SV2C: variants seen among roughly 807,000 people sequenced by gnomAD.
SV2C encodes solute carrier family 22 member B3.
SV2C carries 49 observed loss-of-function variants against 79.7 expected under a neutral mutation model. That is an observed-to-expected ratio of 0.61 (90% CI 0.49 to 0.78). The LOEUF is 0.78. Among genes scored for constraint, SV2C ranks in the 30% least tolerant of loss-of-function variants. SV2C has a pLI of 0.00. For synonymous variants in SV2C, 334 were observed against 333.2 expected, an observed-to-expected ratio of 1.00 and a Z score of -0.03; for missense variants, 833 against 912.9, an observed-to-expected ratio of 0.91 and a Z score of 1.13.
the SV2C span, among the ~76,000 whole-genome samples, chr5:75,941,510 C>T: frequency 1.3e-5 from 2 of 152,146 alleles, no homozygotes; most frequent in East Asian, 1.9e-4. Flanking sequence ...CTGTGGCAGA[C>T]TCTGACAGTT....
In SV2C at chr5:76,277,155, T is replaced by A. The variant is rs182253383; in HGVS notation, c.914-8007T>A. Among the ~76,000 whole-genome samples, 282 of 152,296 alleles carry A rather than the reference T, an allele frequency of 1.9e-3. 4 individuals are homozygous for A. The highest frequency in any genetic ancestry group is 7.8e-4 in the Non-Finnish European group (53 of 68,020). On this transcript the variant is annotated intron_variant, in intron 4 of 12. Coordinates refer to ENST00000502798, the MANE Select transcript of SV2C (RefSeq NM_014979.4). ...AGCTTGCATACACTACTGGTGGGAATTCAAAATGGCACAACCAGTGTGCAA... is the reference window on the plus strand; with the variant it reads ...AGCTTGCATACACTACTGGTGGGAAATCAAAATGGCACAACCAGTGTGCAA...
intron 2 of SV2C, among the ~76,000 whole-genome samples, chr5:76,170,655 C>A (rs939093494): frequency 3.4e-5 from 5 of 149,124 alleles, no homozygotes; most frequent in African/African-American, 9.8e-5. Flanking sequence ...TGGACATTTC[C>A]TTCCCAACAG....
At chr5:75,879,831 G>A in the SV2C span, among the ~76,000 whole-genome samples, 1 of 152,334 alleles carries the variant, frequency 6.6e-6, no homozygotes. Context: ...TCTCTGTTAA[G>A]GTTCTGCCTC....
intron 4 of SV2C, among the ~76,000 whole-genome samples, chr5:76,249,019 G>A (rs1329219659): frequency 6.6e-6 from 1 of 152,206 alleles, no homozygotes; most frequent in African/African-American, 2.4e-5. Context: ...TGGTGATGCT[G>A]TGGTTGCAAC....
At chr5:76,263,363 C>T (rs1746546064) in intron 4 of SV2C, among the ~76,000 whole-genome samples, 1 of 152,000 alleles carries the variant, frequency 6.6e-6, no homozygotes, top group African/African-American at 2.4e-5. Context: ...TGTGTCTTTG[C>T]ATGTGAGATG....
chr5:76,158,266 A>G (rs1742797612), intron 2 of SV2C, among the ~76,000 whole-genome samples: 1 of 151,930 alleles, frequency 6.6e-6, no homozygotes, highest in African/African-American at 2.4e-5. Flanking sequence ...TTAGTTAAAA[A>G]CAAAAAGCAA....
chr5:75,989,056 GTTCT>G, the SV2C span, among the ~76,000 whole-genome samples: 2 of 151,886 alleles, frequency 1.3e-5, no homozygotes, highest in Non-Finnish European at 2.9e-5. Context: ...CATAAGTGGA[GTTCT>G]TTTTTTCGAA....
intron 4 of SV2C, among the ~76,000 whole-genome samples, chr5:76,231,097 G>A (rs11750299): frequency 0.33 from 47,954 of 146,972 alleles, 8,084 homozygotes; most frequent in Non-Finnish European, 0.37. Flanking sequence ...ATACAGTATA[G>A]CCACAGTCAT....
intron 1 of SV2C, among the ~76,000 whole-genome samples, chr5:76,121,976 A>G (rs947231074): frequency 2.9e-4 from 44 of 151,998 alleles, no homozygotes; most frequent in Non-Finnish European, 5.7e-4. Context: ...GGCCATTTTC[A>G]CGATATTGAT....
intron 2 of SV2C, chr5:76,170,927 G>C: frequency 2.3e-6 from 1 of 438,936 alleles, no homozygotes; most frequent in Non-Finnish European, 3.2e-6. Context: ...CCCAGCTGCA[G>C]CTATGAAGCG....
chr5:76,101,140 G>C (rs1252259540), intron 1 of SV2C, among the ~76,000 whole-genome samples: 1 of 152,070 alleles, frequency 6.6e-6, no homozygotes, highest in East Asian at 1.9e-4. Flanking sequence ...TGGGTGATTT[G>C]GGGAGTGGCG....
At chr5:75,883,779 T>C in the SV2C span, among the ~76,000 whole-genome samples, 4 of 150,778 alleles carry the variant, frequency 2.7e-5, no homozygotes, top group East Asian at 7.8e-4. Flanking sequence ...CTGGCACATG[T>C]ATACATATGT....
the SV2C span, among the ~76,000 whole-genome samples, chr5:75,872,999 G>A: frequency 6.6e-6 from 1 of 151,916 alleles, no homozygotes; most frequent in Admixed American, 6.6e-5. Flanking sequence ...ACATCTCTAG[G>A]TAACGCCTTT....
intron 2 of SV2C, among the ~76,000 whole-genome samples, chr5:76,148,859 G>C (rs750694515): frequency 1.1e-4 from 16 of 152,118 alleles, no homozygotes; most frequent in Non-Finnish European, 1.9e-4. Flanking sequence ...GGAGGGTTCA[G>C]GTCACATCTA....
chr5:76,231,683 C>T (rs527494398), intron 4 of SV2C, among the ~76,000 whole-genome samples: 4 of 142,212 alleles, frequency 2.8e-5, no homozygotes, highest in South Asian at 4.2e-4. Flanking sequence ...TGAGAATATG[C>T]GGTGTTTGGT....
rs146638633 is a variant in SV2C at position 76,147,059 on chromosome 5, G to C, written c.580+14729G>C. On this transcript the variant is annotated intron_variant, in intron 2 of 12. Coordinates refer to ENST00000502798, the MANE Select transcript of SV2C (RefSeq NM_014979.4). ...ATTATCCAGAGCTCCATCCAAGGGAGAGGGGAATGGGAAGGTACAATGTGT... is the reference window on the plus strand; with the variant it reads ...ATTATCCAGAGCTCCATCCAAGGGACAGGGGAATGGGAAGGTACAATGTGT... 6.6e-5 allele frequency among the ~76,000 whole-genome samples: 10 copies of C among 152,254 alleles called. No homozygotes were observed. In the East Asian group the frequency reaches 1.9e-3, roughly 29 times the overall value.
downstream of SV2C, among the ~76,000 whole-genome samples, chr5:76,337,702 A>C (rs574788398): frequency 6.6e-6 from 1 of 152,260 alleles, no homozygotes; most frequent in African/African-American, 2.4e-5. Flanking sequence ...AGGGTCCTGC[A>C]CTCATAAGCC....
chr5:76,268,199 C>T (rs566763728), intron 4 of SV2C, among the ~76,000 whole-genome samples: 18 of 152,072 alleles, frequency 1.2e-4, no homozygotes, highest in African/African-American at 4.1e-4. Context: ...AAGGAGATAA[C>T]CTGATTGTGG....
chr5:75,917,507 A>AC, the SV2C span, among the ~76,000 whole-genome samples: 1 of 152,230 alleles, frequency 6.6e-6, no homozygotes, highest in South Asian at 2.1e-4. Context: ...TAAATCTCAT[A>AC]ACCTTACAAC....
Sources: gnomAD v4.1 joint callset for allele counts (sites outside exome capture counted in the v4.1 genomes callset) on GRCh38, gnomAD v4.1.1 for gene constraint, MANE v1.5 for transcripts, NCBI Gene and HGNC (gene_info 2026-07-23, HGNC 2026-07-21) for gene names.